Variants in ACOT11 observed in about 807,000 individuals in gnomAD.
The protein encoded by ACOT11 is acyl-coenzyme A thioesterase 11.
ACOT11 carries 69 observed loss-of-function variants against 77.5 expected under a neutral mutation model. The observed-to-expected ratio is 0.89, with a 90% CI of 0.73 to 1.09. The LOEUF is 1.09. Among genes scored for constraint, ACOT11 ranks in the 50% least tolerant of loss-of-function variants. The pLI is 0.00. For synonymous variants in ACOT11, 279 were observed against 313.0 expected (o/e 0.89, Z 1.15); for missense variants, 766 against 813.7 (o/e 0.94, Z 0.71).
At chr1:54,568,845 C>G (rs977348960) in intron 1 of ACOT11, among the ~76,000 whole-genome samples, 44 of 152,230 alleles carry the variant, frequency 2.9e-4, no homozygotes, top group African/African-American at 1.1e-3. Context: ...ACTCCTGGCT[C>G]AAGTGATCCT....
chr1:54,572,572 G>C (rs545609484), intron 1 of ACOT11, among the ~76,000 whole-genome samples: 62 of 152,296 alleles, frequency 4.1e-4, no homozygotes, highest in South Asian at 8.3e-4. Flanking sequence ...TCCCCTGAGG[G>C]GGGGGGTCAC....
At chr1:54,559,296 C>T (rs1204594688) in intron 1 of ACOT11, among the ~76,000 whole-genome samples, 3 of 151,534 alleles carry the variant, frequency 2.0e-5, no homozygotes, top group Non-Finnish European at 2.9e-5. Flanking sequence ...CCAGGCTGAG[C>T]TGACCCCACC....
At chr1:54,568,030 A>C (rs1374469379) in intron 1 of ACOT11, among the ~76,000 whole-genome samples, 1 of 152,118 alleles carries the variant, frequency 6.6e-6, no homozygotes, top group Admixed American at 6.5e-5. Flanking sequence ...TGCTCTCTGC[A>C]TTTCTTAGGT....
chr1:54,600,715 G>A (rs1260087133), intron 8 of ACOT11, among the ~76,000 whole-genome samples: 1 of 152,188 alleles, frequency 6.6e-6, no homozygotes, highest in South Asian at 2.1e-4. Context: ...AATAAAGACA[G>A]TAAGATACAT....
At chr1:54,569,430 G>A (rs1340424045) in intron 1 of ACOT11, among the ~76,000 whole-genome samples, 1 of 152,116 alleles carries the variant, frequency 6.6e-6, no homozygotes, top group Non-Finnish European at 1.5e-5. Flanking sequence ...CAGGCCACAC[G>A]CAGCCTGGCC....
At chr1:54,568,502 T>C (rs1653816990) in intron 1 of ACOT11, among the ~76,000 whole-genome samples, 1 of 151,742 alleles carries the variant, frequency 6.6e-6, no homozygotes, top group South Asian at 2.1e-4. Context: ...GTAGCTGGGA[T>C]TACAGGAATG....
chr1:54,634,923 G>A (rs1384881717), exon 17 of ACOT11: 4 of 511,490 alleles, frequency 7.8e-6, no homozygotes, highest in Non-Finnish European at 1.4e-5. Context: ...AGGAAAGCGG[G>A]ACAACCAGTC....
intron 1 of ACOT11, among the ~76,000 whole-genome samples, chr1:54,551,584 G>A (rs935700415): frequency 6.6e-6 from 1 of 152,136 alleles, no homozygotes; most frequent in African/African-American, 2.4e-5. Context: ...CGTAGGAGGT[G>A]GGCAAGGGTC....
chr1:54,558,634 G>A (rs1047151686), intron 1 of ACOT11, among the ~76,000 whole-genome samples: 2 of 152,328 alleles, frequency 1.3e-5, no homozygotes, highest in South Asian at 2.1e-4. Flanking sequence ...CCATTGGCAG[G>A]CTCCAAGGCT....
chr1:54,609,645 T>G lies in ACOT11; in HGVS notation c.*533T>G. The G allele has an allele frequency of 6.2e-7, 1 of 1,613,958 alleles. No individual in the cohort carries two copies. The highest frequency in any genetic ancestry group is 1.7e-5 in the Admixed American group (1 of 60,032). Reference sequence around the variant, plus strand: ...TCAGCCACAGCTGTAAGCAGCTCTCTGCCAGCCACATGGCCGGGGACCGAA... The same window carrying G: ...TCAGCCACAGCTGTAAGCAGCTCTCGGCCAGCCACATGGCCGGGGACCGAA... On this transcript the variant is annotated 3_prime_UTR_variant, in exon 16 of 16. Transcript: ENST00000343744.
intron 1 of ACOT11, among the ~76,000 whole-genome samples, chr1:54,568,339 T>C (rs535755610): frequency 1.3e-5 from 2 of 151,684 alleles, no homozygotes; most frequent in African/African-American, 2.4e-5. Flanking sequence ...ACTATGTCTG[T>C]TTAAGGTTTT....
chr1:54,549,302 C>T (rs565677477), intron 1 of ACOT11, among the ~76,000 whole-genome samples: 4 of 152,282 alleles, frequency 2.6e-5, no homozygotes, highest in South Asian at 2.1e-4. Context: ...TTACTTGAGA[C>T]GAAGGGATGT....
At position 54,607,089 on chromosome 1, in the gene ACOT11, G is replaced by A; in HGVS notation, c.1371-45G>A. 6.2e-7 allele frequency: 1 copy of A among 1,611,684 alleles called. No individual in the cohort carries two copies. The highest frequency in any genetic ancestry group is 8.5e-7 in the Non-Finnish European group (1 of 1,178,698). ...CCGGGCAGACCCGCTGCTTGCATGG[G>A]AGCTGGAAGCTTCCTGGGGCACTGA... On this transcript the variant is annotated intron_variant, in intron 13 of 15. Transcript: ENST00000343744. The surrounding 1 kb of genome is among the most constrained non-coding windows in gnomAD (Gnocchi z 4.5).
chr1:54,610,370 G>A, downstream of ACOT11: 1 of 1,602,330 alleles, frequency 6.2e-7, no homozygotes, highest in Non-Finnish European at 8.5e-7. Context: ...GGACACCCCT[G>A]CAGATGAGCT....
At chr1:54,582,454 G>A in intron 1 of ACOT11, 1 of 985,404 alleles carries the variant, frequency 1.0e-6, no homozygotes, top group Non-Finnish European at 1.2e-6. Context: ...CAGAGGAAGT[G>A]TTTGGTGAAT....
At chr1:54,611,496 C>A, downstream of ACOT11, 1 of 1,134,678 alleles carries the variant, frequency 8.8e-7, no homozygotes, top group Non-Finnish European at 1.3e-6. Context: ...TGTCCCACCC[C>A]GGCCTTCCCC....
exon 17 of ACOT11, chr1:54,636,222 T>C (rs1180476428): frequency 6.6e-6 from 1 of 152,146 alleles, no homozygotes; most frequent in Non-Finnish European, 1.5e-5. Flanking sequence ...GAAAGAAAAG[T>C]GGGCCCAGGG....
exon 17 of ACOT11, chr1:54,634,956 CTATGAT>C (rs1644323079): frequency 2.0e-6 from 1 of 497,558 alleles, no homozygotes; most frequent in Admixed American, 3.7e-5. Context: ...TTAATGGTAG[CTATGAT>C]AGCAGTTATC....
At chr1:54,633,450 T>C (rs528833588) in intron 16 of ACOT11, among the ~76,000 whole-genome samples, 1 of 152,308 alleles carries the variant, frequency 6.6e-6, no homozygotes, top group African/African-American at 2.4e-5. Context: ...TTCCAAAAAA[T>C]TGGCCTTTTA....
Sources: gnomAD v4.1 joint callset for allele counts (sites outside exome capture counted in the v4.1 genomes callset) on GRCh38, gnomAD v4.1.1 for gene constraint, Gnocchi (gnomAD v3.1) non-coding constraint, MANE v1.5 for transcripts, NCBI Gene and HGNC (gene_info 2026-07-23, HGNC 2026-07-21) for gene names.